The following ATP2B4 variants were observed in gnomAD, a reference collection of about 807,000 sequenced individuals.
ATP2B4 encodes the protein ATPase plasma membrane Ca2+ transporting 4.
Under a neutral mutation model 110.3 loss-of-function variants are expected in ATP2B4, and 39 were observed. The ratio of observed to expected loss-of-function variants is 0.35; its 90% CI spans 0.27 to 0.46. ATP2B4 has a LOEUF of 0.46. ATP2B4 is among the 20% of genes least tolerant of loss of function. ATP2B4 has a pLI of 1.00. For missense variants in ATP2B4, 1,135 were observed against 1,530.9 expected (o/e 0.74, Z 4.32); for synonymous variants, 538 against 571.7 (o/e 0.94, Z 0.84).
chr1:203,662,293 T>C (rs1242214732), intron 1 of ATP2B4, among the ~76,000 whole-genome samples: 1 of 152,226 alleles, frequency 6.6e-6, no homozygotes, highest in East Asian at 1.9e-4. Context: ...CCCAAAGTGT[T>C]GGGATTACAG....
At chr1:203,663,681 C>T (rs564580075) in intron 1 of ATP2B4, among the ~76,000 whole-genome samples, 5 of 151,750 alleles carry the variant, frequency 3.3e-5, no homozygotes, top group South Asian at 4.2e-4. Context: ...CATAGCTTAC[C>T]GCAGCTTCAA....
chr1:203,713,273 G>T, intron 14 of ATP2B4, 21 bp downstream of exon 14: 1 of 1,613,914 alleles, frequency 6.2e-7, no homozygotes, highest in African/African-American at 1.3e-5. Context: ...CTTCCAAATA[G>T]GTGCCTGCAA....
At chr1:203,654,817 G>A (rs145989383) in intron 1 of ATP2B4, among the ~76,000 whole-genome samples, 1 of 151,780 alleles carries the variant, frequency 6.6e-6, no homozygotes, top group Non-Finnish European at 1.5e-5. Flanking sequence ...GGCCTGAGAG[G>A]TCGAGGGTGC....
Position 203,739,994 on chromosome 1 carries a change from A to C in ATP2B4, c.*140A>C. 1.1e-6 allele frequency: 1 copy of C among 938,564 alleles called. No homozygotes were observed. The highest frequency in any genetic ancestry group is 1.6e-6 in the Non-Finnish European group (1 of 644,214). The allele number at this position is 938,564 out of a possible 1,614,324, so 58.1% of individuals were successfully genotyped here. A position where few individuals can be genotyped will look rare whatever the true frequency, so the allele number is the denominator to read the frequency against. ...TGTGTGTGAAGTGAACCTCTACCTG[A>C]CCATGAAGAGGCAAGAGCACAGACT... On this transcript the variant is annotated 3_prime_UTR_variant, in exon 21 of 21. Transcript: ENST00000357681.
chr1:203,708,156 T>C (rs1339260508), intron 10 of ATP2B4, 52 bp downstream of exon 10: 2 of 1,605,070 alleles, frequency 1.2e-6, no homozygotes, highest in Admixed American at 3.3e-5. Flanking sequence ...GAAGGGAACA[T>C]CCATTTTCTC....
At chr1:203,647,436 T>TAA (rs11370913) in intron 1 of ATP2B4, among the ~76,000 whole-genome samples, 35 of 150,920 alleles carry the variant, frequency 2.3e-4, no homozygotes, top group South Asian at 8.4e-4. Flanking sequence ...AACTTCTCTC[T>TAA]AAAAAAAACA....
intron 1 of ATP2B4, among the ~76,000 whole-genome samples, chr1:203,652,056 CA>C (rs147932185): frequency 0.88 from 113,219 of 129,354 alleles, 49,719 homozygotes; most frequent in Non-Finnish European, 0.96. Flanking sequence ...GACTCTGTCT[CA>C]AAAAAAAAAA....
At chr1:203,678,890 G>A (rs1294914830) in intron 1 of ATP2B4, among the ~76,000 whole-genome samples, 1 of 152,178 alleles carries the variant, frequency 6.6e-6, no homozygotes, top group African/African-American at 2.4e-5. Flanking sequence ...GGTCACAGCT[G>A]TCCTAACTAG....
chr1:203,655,963 G>C (rs1019604516), intron 1 of ATP2B4, among the ~76,000 whole-genome samples: 2 of 152,070 alleles, frequency 1.3e-5, no homozygotes, highest in South Asian at 2.1e-4. Context: ...GGAGTGCAAC[G>C]GTGCGATCTC....
chr1:203,706,897 T>G, intron 8 of ATP2B4, 112 bp from the exon 9 acceptor site: 1 of 826,896 alleles, frequency 1.2e-6, no homozygotes, highest in Non-Finnish European at 1.9e-6. Flanking sequence ...TTCCTGGCGA[T>G]GGTGGTTTTA....
At chr1:203,737,704 G>A (rs1327691470) in intron 20 of ATP2B4, among the ~76,000 whole-genome samples, 1 of 152,188 alleles carries the variant, frequency 6.6e-6, no homozygotes, top group Non-Finnish European at 1.5e-5. Context: ...TGTCTGTTCA[G>A]CATGGTGAGT....
chr1:203,702,200 G>C lies in ATP2B4; in HGVS notation c.937+121G>C, dbSNP rs529410397. The C allele has an allele frequency of 4.7e-5, 61 of 1,302,146 alleles. 1 individual carries two copies. Among genetic ancestry groups the C allele is most frequent in the Admixed American group, 1.2e-4 (6 of 49,210 alleles). The allele number at this position is 1,302,146 out of a possible 1,614,324, so 80.7% of individuals were successfully genotyped here. A position where few individuals can be genotyped will look rare whatever the true frequency, so the allele number is the denominator to read the frequency against. On this transcript the variant is annotated intron_variant, in intron 7 of 20. Coordinates refer to ENST00000357681, the MANE Select transcript of ATP2B4 (RefSeq NM_001684.5). ...ATCTGTTATCTGCTGCTGTGGCTCA[G>C]ATGCCTCATCCTGAGGAAGGTGCAG... is the stretch of plus-strand genomic sequence containing the variant.
Position 203,740,379 on chromosome 1 carries a change from T to C in ATP2B4, c.*525T>C, listed in dbSNP as rs1666973604. 1 of 153,174 alleles carries C rather than the reference T, an allele frequency of 6.5e-6. No homozygotes were observed. Among genetic ancestry groups the C allele is most frequent in the African/African-American group, 2.4e-5 (1 of 41,408 alleles). 9.5% of individuals were successfully genotyped at this position (153,174 alleles called of 1,614,324 possible). A position where few individuals can be genotyped will look rare whatever the true frequency, so the allele number is the denominator to read the frequency against. ...ACCTAAAGGCCTGTAGGCCTCTAAC[T>C]CTTTCTGCCCTTTCATTCAAACCTC... On this transcript the variant is annotated 3_prime_UTR_variant, in exon 21 of 21. Transcript: ENST00000357681.
In ATP2B4 at chr1:203,724,373, T is replaced by C. The variant is rs199689998; in HGVS notation, c.3132+385T>C. Among the ~76,000 whole-genome samples the C allele has an allele frequency of 1.9e-3, 286 of 151,922 alleles. 3 individuals are homozygous for C. In the East Asian group the frequency reaches 0.028, roughly 15 times the overall value. On this transcript the variant is annotated intron_variant, in intron 19 of 20. Coordinates refer to ENST00000357681, the MANE Select transcript of ATP2B4 (RefSeq NM_001684.5). ...TCTACTAAAAATACAAAAAATTAGC[T>C]GGGCATGGTGGCAGGTGCCTGTAGT...
At chr1:203,657,460 G>A (rs984526758) in intron 1 of ATP2B4, 12 of 784,104 alleles carry the variant, frequency 1.5e-5, no homozygotes, top group South Asian at 9.5e-5. Context: ...GCTCGAGATT[G>A]TCCCTCTCTG....
At chr1:203,659,736 G>C (rs576640200) in intron 1 of ATP2B4, among the ~76,000 whole-genome samples, 46 of 152,208 alleles carry the variant, frequency 3.0e-4, no homozygotes, top group African/African-American at 1.1e-3. Context: ...AGGCTGAAGC[G>C]GGAAGATTGC....
chr1:203,692,399 G>A (rs764888199), intron 2 of ATP2B4, among the ~76,000 whole-genome samples: 1 of 152,006 alleles, frequency 6.6e-6, no homozygotes, highest in African/African-American at 2.4e-5. Flanking sequence ...GGCTGGTCTC[G>A]AACTCCTGAG....
chr1:203,695,380 C>T (rs1434310566), intron 2 of ATP2B4, among the ~76,000 whole-genome samples: 1 of 152,206 alleles, frequency 6.6e-6, no homozygotes, highest in East Asian at 1.9e-4. Flanking sequence ...ACACTCCTTT[C>T]CCAGGCTCTG....
At chr1:203,672,516 A>G (rs1261255157) in intron 1 of ATP2B4, among the ~76,000 whole-genome samples, 2 of 151,998 alleles carry the variant, frequency 1.3e-5, no homozygotes, top group Admixed American at 6.5e-5. Flanking sequence ...CAGCTTGTCA[A>G]CTGGCCTGGA....
Sources: allele counts gnomAD v4.1 joint callset (sites outside exome capture counted in the v4.1 genomes callset), GRCh38; gene constraint gnomAD v4.1.1; transcripts MANE v1.5; gene names NCBI Gene and HGNC (gene_info 2026-07-23, HGNC 2026-07-21).